The following RAB11FIP2 variants were observed in gnomAD, a reference collection of about 807,000 sequenced individuals.
The protein encoded by RAB11FIP2 is RAB11 family interacting protein 2, also known as rab11 family-interacting protein 2.
Under a neutral mutation model 40.9 loss-of-function variants are expected in RAB11FIP2, and 16 were observed. That is an observed-to-expected ratio of 0.39 (90% confidence interval 0.26 to 0.59). The LOEUF (loss-of-function observed/expected upper bound fraction) is 0.59, where lower values mean the gene tolerates loss of function less well. Ranked by LOEUF, RAB11FIP2 falls within the 20% of genes least tolerant of loss-of-function variation. The pLI is 0.53. For synonymous variants in RAB11FIP2, 228 were observed against 213.7 expected (o/e 1.07, Z -0.58); for missense variants, 532 against 606.2 (o/e 0.88, Z 1.28).
At chr10:118,035,072 CCT>C (rs1214428047) in intron 3 of RAB11FIP2, among the ~76,000 whole-genome samples, 4 of 152,082 alleles carry the variant, frequency 2.6e-5, no homozygotes, top group South Asian at 2.1e-4. Flanking sequence ...CTCCTTTGAT[CCT>C]CTCTCTCCTC....
intron 1 of RAB11FIP2, among the ~76,000 whole-genome samples, chr10:118,041,903 G>A (rs1222164430): frequency 6.6e-6 from 1 of 152,104 alleles, no homozygotes; most frequent in Non-Finnish European, 1.5e-5. Context: ...CTATTAGCCT[G>A]AGACCTTAAA....
At position 118,040,343 on chromosome 10, in the gene RAB11FIP2, G is replaced by T; in HGVS notation, c.576C>A (p.His192Gln). 1.2e-6 allele frequency: 2 copies of T among 1,613,840 alleles called. No individual in the cohort carries two copies. The highest frequency in any genetic ancestry group is 2.2e-5 in the South Asian group (2 of 91,076). Reference sequence around the variant, plus strand: ...AAAATTCACTATTGGCATCGGGCATGTGAGTACTTGGAATGATTGCAGAAG... The same window carrying T: ...AAAATTCACTATTGGCATCGGGCATTTGAGTACTTGGAATGATTGCAGAAG... ...DTSSAIIPSTHMPDANSEFSS... is the reference protein window; with the variant it reads ...DTSSAIIPSTQMPDANSEFSS... The change falls in exon 2 of 5, where the codon CAC (histidine) becomes CAA (glutamine). Residue 192 changes from histidine to glutamine, a missense_variant. By Grantham distance (24) the His-to-Gln change is conservative. Coordinates refer to ENST00000355624, the MANE Select transcript of RAB11FIP2 (RefSeq NM_014904.3).
chr10:118,040,541 T>C lies in RAB11FIP2; in HGVS notation c.378A>G (p.Gln126=), dbSNP rs767427260. The C allele has an allele frequency of 1.2e-6, 2 of 1,607,934 alleles. No individual in the cohort carries two copies. Among genetic ancestry groups the C allele is most frequent in the Non-Finnish European group, 1.7e-6 (2 of 1,177,572 alleles). The change falls in exon 2 of 5, where the codon CAA becomes CAG. Residue 126 remains glutamine, a synonymous_variant. Transcript: ENST00000355624. Reference sequence around the variant, plus strand: ...CACCCCTGTTTTTGATTCGTTTTCCTTGTTTGGATTCTAATCTAAACCACC... The same window carrying C: ...CACCCCTGTTTTTGATTCGTTTTCCCTGTTTGGATTCTAATCTAAACCACC... ...KTEWFRLESK[Q]GKRIKNRGEI...
At chr10:118,039,975 T>C (rs1292616127) in intron 2 of RAB11FIP2, 148 bp downstream of exon 2, 8 of 650,556 alleles carry the variant, frequency 1.2e-5, no homozygotes, top group African/African-American at 9.1e-5. Flanking sequence ...CAATTTGAGG[T>C]ATAGTAGGTA....
intron 3 of RAB11FIP2, among the ~76,000 whole-genome samples, chr10:118,023,348 A>G (rs575162530): frequency 6.6e-6 from 1 of 152,336 alleles, no homozygotes; most frequent in Non-Finnish European, 1.5e-5. Context: ...TACGTTCATT[A>G]TACATGCAAA....
At chr10:118,021,083 TACAC>T (rs1039028434) in intron 3 of RAB11FIP2, among the ~76,000 whole-genome samples, 1 of 151,532 alleles carries the variant, frequency 6.6e-6, no homozygotes, top group African/African-American at 2.4e-5. Context: ...TGCCTACACA[TACAC>T]ACACACACAA....
rs1846079065 is a variant in RAB11FIP2, at chr10:118,005,116, A to C, written c.*3882T>G. The stretch of plus-strand genomic sequence containing the variant: ...ATAAGTGTTATACTCTTCAGTTATA[A>C]ATAATGCTTCTATCTTTCAAATACC... On this transcript the variant is annotated 3_prime_UTR_variant, in exon 5 of 5. Transcript: ENST00000355624. 1 of 152,640 alleles carries C rather than the reference A, an allele frequency of 6.6e-6. No individual in the cohort carries two copies. Among genetic ancestry groups the C allele is most frequent in the South Asian group, 2.1e-4 (1 of 4,834 alleles). The allele number at this position is 152,640 out of a possible 1,614,324, so 9.5% of individuals were successfully genotyped here. A position where few individuals can be genotyped will look rare whatever the true frequency, so the allele number is the denominator to read the frequency against.
intron 1 of RAB11FIP2, among the ~76,000 whole-genome samples, chr10:118,043,872 A>C (rs1846593416): frequency 6.6e-6 from 1 of 152,210 alleles, no homozygotes; most frequent in African/African-American, 2.4e-5. Flanking sequence ...CTAGAAAAGG[A>C]AGCTATTAAA....
chr10:118,038,822 G>T, intron 3 of RAB11FIP2, 150 bp downstream of exon 3: 2 of 619,934 alleles, frequency 3.2e-6, no homozygotes, highest in Non-Finnish European at 5.2e-6. Flanking sequence ...ATGCAACATT[G>T]CCTGGCTCTA....
intron 3 of RAB11FIP2, among the ~76,000 whole-genome samples, chr10:118,027,746 T>C (rs1846361782): frequency 6.6e-6 from 1 of 152,198 alleles, no homozygotes; most frequent in African/African-American, 2.4e-5. Flanking sequence ...ACTAAGCTGT[T>C]AATAAACAGC....
At position 118,046,365 on chromosome 10, in the gene RAB11FIP2, G is replaced by T; in HGVS notation, c.-202C>A. 1.7e-6 allele frequency: 1 copy of T among 583,142 alleles called. No homozygotes were observed. Among genetic ancestry groups the T allele is most frequent in the Non-Finnish European group, 3.0e-6 (1 of 329,790 alleles). 36.1% of individuals were successfully genotyped at this position (583,142 alleles called of 1,614,324 possible). On this transcript the variant is annotated 5_prime_UTR_variant, in exon 1 of 5. Transcript: ENST00000355624. ...ACGGCCGCTCCGGGGGTCCCCTTTC[G>T]TCTGGAGAAACACAGAGGCCCACCA...
chr10:118,046,072 C>A lies in RAB11FIP2; in HGVS notation c.92G>T (p.Ser31Ile). 1 of 1,614,226 alleles carries A rather than the reference C, an allele frequency of 6.2e-7. No individual in the cohort carries two copies. Among genetic ancestry groups the A allele is most frequent in the East Asian group, 2.2e-5 (1 of 44,878 alleles). The stretch of plus-strand genomic sequence containing the variant: ...TATAGTGTATGTGTCATTGGTACCA[C>A]TTTTGCCTTTTGGCTTCAGATCTTT... Reference protein sequence around the residue: ...QAKDLKPKGKSGTNDTYTIIQ... With the variant: ...QAKDLKPKGKIGTNDTYTIIQ... Residue 31 changes from serine (S) to isoleucine (I), a missense_variant, in exon 1 of 5, where the codon AGT becomes ATT. Coordinates refer to ENST00000355624, the MANE Select transcript of RAB11FIP2 (RefSeq NM_014904.3).
Position 118,009,145 on chromosome 10 carries a change from T to C in RAB11FIP2, c.1392A>G (p.Lys464=), listed in dbSNP as rs1478843209. 6.2e-7 allele frequency: 1 copy of C among 1,613,672 alleles called. No individual in the cohort carries two copies. The highest frequency in any genetic ancestry group is 8.5e-7 in the Non-Finnish European group (1 of 1,179,630). The change falls in exon 5 of 5, where the codon AAA becomes AAG. Residue 464 remains lysine (K), a synonymous_variant. Transcript: ENST00000355624. The stretch of plus-strand genomic sequence containing the variant: ...GGGTGTCTTTCCTCCTAAGGAGTTC[T>C]TTGTGTTTCACCAGCTCCTGTAGAA... ...EEVLQELVKH[K]ELLRRKDTHI...
At chr10:118,028,973 C>A (rs575407357) in intron 3 of RAB11FIP2, among the ~76,000 whole-genome samples, 1 of 151,662 alleles carries the variant, frequency 6.6e-6, no homozygotes, top group African/African-American at 2.4e-5. Context: ...CAATTCAAAA[C>A]ACCTAATTCC....
At position 118,046,033 on chromosome 10, in the gene RAB11FIP2, T is replaced by C. The variant is rs748330240; in HGVS notation, c.131A>G (p.Lys44Arg). 62 of 1,614,128 alleles carry C rather than the reference T, an allele frequency of 3.8e-5. No homozygotes were observed. The South Asian group carries it at 6.4e-4, about 17-fold the overall frequency. ...AGCTACAGAGGTGGAGTACTTTTCC[T>C]TGCCCAGCTGAATTATAGTGTATGT... ...NDTYTIIQLG[K>R]EKYSTSVAEK... is the part of the protein sequence containing the mutation. The change falls in exon 1 of 5, where the codon AAG becomes AGG. Residue 44 changes from lysine (K) to arginine (R), a missense_variant. Transcript: ENST00000355624.
At chr10:118,011,004 G>A (rs1846148294) in intron 4 of RAB11FIP2, among the ~76,000 whole-genome samples, 2 of 151,908 alleles carry the variant, frequency 1.3e-5, no homozygotes, top group South Asian at 4.2e-4. Context: ...TGGAAAATAG[G>A]AAGCCACTGA....
In RAB11FIP2 at chr10:118,015,074, C is replaced by T; in HGVS notation, c.1302G>A (p.Arg434=). The part of the protein sequence containing the change: ...HMSPTSNEDL[R]KIPDSNPFDA... ...CCCTTCAGCAACTTACCGGGATTTT[C>T]CTGAGGTCTTCATTGCTTGTTGGAC... is the stretch of plus-strand genomic sequence containing the variant. Residue 434 remains arginine (R), a synonymous_variant, in exon 4 of 5, where the codon AGG becomes AGA. Coordinates refer to ENST00000355624, the MANE Select transcript of RAB11FIP2 (RefSeq NM_014904.3). 1 of 1,609,618 alleles carries T rather than the reference C, an allele frequency of 6.2e-7. No individual in the cohort carries two copies. The highest frequency in any genetic ancestry group is 8.5e-7 in the Non-Finnish European group (1 of 1,177,392).
Position 118,046,203 on chromosome 10 carries a change from C to A in RAB11FIP2, c.-40G>T, listed in dbSNP as rs754204009. The A allele has an allele frequency of 1.3e-6, 2 of 1,542,418 alleles. No homozygotes were observed. Among genetic ancestry groups the A allele is most frequent in the Admixed American group, 1.7e-5 (1 of 57,916 alleles). ...CTGCCCCCGAGTTCCCTAGCACAGG[C>A]AGTGCCCCTCCCGGAGGGAGAGCCT... is the stretch of plus-strand genomic sequence containing the variant. On this transcript the variant is annotated 5_prime_UTR_variant, in exon 1 of 5. Coordinates refer to ENST00000355624, the MANE Select transcript of RAB11FIP2 (RefSeq NM_014904.3).
chr10:118,018,898 G>A (rs1846251269), intron 3 of RAB11FIP2, among the ~76,000 whole-genome samples: 1 of 151,794 alleles, frequency 6.6e-6, no homozygotes, highest in African/African-American at 2.4e-5. Context: ...GATCAAAGTG[G>A]GTTTTTTTTG....
Sources: gnomAD v4.1 joint callset for allele counts (sites outside exome capture counted in the v4.1 genomes callset) on GRCh38, gnomAD v4.1.1 for gene constraint, MANE v1.5 for transcripts, NCBI Gene and HGNC (gene_info 2026-07-23, HGNC 2026-07-21) for gene names.